The following CATSPERT variants were observed in gnomAD, a reference collection of about 807,000 sequenced individuals.
CATSPERT encodes the protein cation channel sperm-associated targeting subunit tau.
chr2:201,575,366 A>C, the CATSPERT span: 2 of 1,511,500 alleles, frequency 1.3e-6, no homozygotes, highest in Non-Finnish European at 1.8e-6. Flanking sequence ...AGAATTACCC[A>C]TGTATTTCCC....
the CATSPERT span, chr2:201,603,167 G>C: frequency 1.8e-5 from 27 of 1,526,642 alleles, no homozygotes; most frequent in East Asian, 6.2e-4. Flanking sequence ...TGCAGCAATG[G>C]ATAACTGAAA....
chr2:201,569,161 A>T, the CATSPERT span, among the ~76,000 whole-genome samples: 6 of 152,112 alleles, frequency 3.9e-5, no homozygotes, highest in Non-Finnish European at 8.8e-5. Context: ...AACAGCATAA[A>T]TTTTTGGAAG....
the CATSPERT span, among the ~76,000 whole-genome samples, chr2:201,538,658 AC>A: frequency 6.6e-6 from 1 of 152,044 alleles, no homozygotes; most frequent in Non-Finnish European, 1.5e-5. Context: ...AAGATAGCAA[AC>A]TTTTTTTATA....
chr2:201,565,705 ATTTT>A, the CATSPERT span: 4,768 of 1,335,878 alleles, frequency 3.6e-3, 2 homozygotes, highest in South Asian at 0.011. Flanking sequence ...GCTCTTTTGA[ATTTT>A]TTTTTTTTTT....
the CATSPERT span, among the ~76,000 whole-genome samples, chr2:201,529,995 T>C: frequency 2.0e-5 from 3 of 152,086 alleles, no homozygotes; most frequent in Non-Finnish European, 4.4e-5. Flanking sequence ...CCAATAGATA[T>C]ACTAAAAATA....
the CATSPERT span, chr2:201,604,517 A>G: frequency 1.1e-5 from 7 of 652,748 alleles, no homozygotes; most frequent in Non-Finnish European, 1.7e-5. Context: ...AAATTCATAA[A>G]TACGCCATCA....
At chr2:201,533,727 C>T in the CATSPERT span, among the ~76,000 whole-genome samples, 1 of 152,090 alleles carries the variant, frequency 6.6e-6, no homozygotes, top group Non-Finnish European at 1.5e-5. Flanking sequence ...TAGTTAATCT[C>T]CAAATATGGC....
chr2:201,535,943 G>GT, the CATSPERT span: 5 of 1,579,586 alleles, frequency 3.2e-6, no homozygotes, highest in East Asian at 1.1e-4. Flanking sequence ...TTAGATTGTT[G>GT]TTTTGCCAGC....
chr2:201,616,100 G>A, the CATSPERT span, among the ~76,000 whole-genome samples: 6 of 152,234 alleles, frequency 3.9e-5, no homozygotes, highest in South Asian at 2.1e-4. Context: ...AGGACCAGAC[G>A]GATTCACAGC....
the CATSPERT span, chr2:201,491,948 TA>T: frequency 6.5e-7 from 1 of 1,537,036 alleles, no homozygotes; most frequent in Non-Finnish European, 8.7e-7. Flanking sequence ...TCTGATGACT[TA>T]CTTAATGGAC....
chr2:201,565,731 T>C, the CATSPERT span: 1 of 1,565,796 alleles, frequency 6.4e-7, no homozygotes, highest in East Asian at 2.3e-5. Flanking sequence ...TTTTTTACCT[T>C]TCCCGGGGTT....
At chr2:201,581,517 TATATATAA>T in the CATSPERT span, among the ~76,000 whole-genome samples, 25 of 66,248 alleles carry the variant, frequency 3.8e-4, no homozygotes, top group African/African-American at 1.5e-3. Flanking sequence ...TATATATATA[TATATATAA>T]AATATTCTGG....
chr2:201,591,594 A>T, the CATSPERT span, among the ~76,000 whole-genome samples: 1 of 152,024 alleles, frequency 6.6e-6, no homozygotes, highest in Non-Finnish European at 1.5e-5. Flanking sequence ...CATTTTCACG[A>T]TATTGATTCT....
the CATSPERT span, among the ~76,000 whole-genome samples, chr2:201,572,310 T>C: frequency 6.6e-6 from 1 of 152,072 alleles, no homozygotes; most frequent in Non-Finnish European, 1.5e-5. Flanking sequence ...ATACTGAAGA[T>C]CAGTAATTTG....
chr2:201,593,193 G>A, the CATSPERT span, among the ~76,000 whole-genome samples: 11 of 151,834 alleles, frequency 7.2e-5, no homozygotes, highest in South Asian at 1.0e-3. Context: ...CTTTGTTCTC[G>A]TTGGTTTCAA....
At chr2:201,542,779 C>G in the CATSPERT span, among the ~76,000 whole-genome samples, 2 of 152,070 alleles carry the variant, frequency 1.3e-5, no homozygotes, top group South Asian at 4.1e-4. Context: ...ATATGGTTTA[C>G]AAATATATTC....
At chr2:201,529,883 A>T in the CATSPERT span, among the ~76,000 whole-genome samples, 42 of 152,212 alleles carry the variant, frequency 2.8e-4, no homozygotes, top group African/African-American at 9.4e-4. Context: ...TTCAAAATAT[A>T]TAAGGTACAC....
chr2:201,544,543 T>TCACACA, the CATSPERT span, among the ~76,000 whole-genome samples: 4,489 of 150,474 alleles, frequency 0.03, 252 homozygotes, highest in East Asian at 0.22. Context: ...ACTTTCTTTT[T>TCACACA]CACACACACA....
chr2:201,492,192 C>A, the CATSPERT span: 1 of 1,520,650 alleles, frequency 6.6e-7, no homozygotes, highest in Non-Finnish European at 8.8e-7. Context: ...ATTTATTTTG[C>A]TTTTCTGAAT....
Sources: allele counts gnomAD v4.1 joint callset (sites outside exome capture counted in the v4.1 genomes callset), GRCh38; gene constraint gnomAD v4.1.1; transcripts MANE v1.5; gene names NCBI Gene and HGNC (gene_info 2026-07-23, HGNC 2026-07-21).